Variants in TLK1 observed in about 807,000 individuals in gnomAD.
The protein encoded by TLK1 is tousled like kinase 1, also known as serine/threonine-protein kinase tousled-like 1.
Under a neutral mutation model 105.3 loss-of-function variants are expected in TLK1, and 24 were observed. That is an observed-to-expected ratio of 0.23 (90% confidence interval 0.17 to 0.32). TLK1 has a LOEUF of 0.32. TLK1 is among the 10% of genes least tolerant of loss of function. The pLI is 1.00. For missense variants in TLK1, 558 were observed against 910.5 expected (o/e 0.61, Z 4.98); for synonymous variants, 321 against 310.4 (o/e 1.03, Z -0.36).
intron 1 of TLK1, among the ~76,000 whole-genome samples, chr2:171,206,231 T>A (rs1331497058): frequency 6.6e-6 from 1 of 152,210 alleles, no homozygotes; most frequent in Non-Finnish European, 1.5e-5. Flanking sequence ...TTTTTGTTCT[T>A]TCCTAGAGGC....
chr2:171,216,584 T>C (rs147355207), intron 1 of TLK1, among the ~76,000 whole-genome samples: 10 of 152,360 alleles, frequency 6.6e-5, no homozygotes, highest in African/African-American at 2.4e-4. Context: ...GAAACTATTA[T>C]GGGTTGAATT....
intron 1 of TLK1, among the ~76,000 whole-genome samples, chr2:171,158,361 T>C (rs565989799): frequency 8.5e-5 from 13 of 152,288 alleles, no homozygotes; most frequent in Middle Eastern, 3.4e-3. Context: ...CGGAAAAAAT[T>C]ATGGTTATTT....
chr2:171,125,172 G>A (rs541156271), intron 1 of TLK1, among the ~76,000 whole-genome samples: 4 of 152,144 alleles, frequency 2.6e-5, no homozygotes, highest in Admixed American at 6.5e-5. Context: ...ACTTATTTTG[G>A]TGGCAGCCTC....
chr2:171,219,625 G>A (rs1401394582), intron 1 of TLK1, among the ~76,000 whole-genome samples: 1 of 150,340 alleles, frequency 6.7e-6, no homozygotes, highest in African/African-American at 2.5e-5. Context: ...TTTTGAGACA[G>A]GGTCTTGCTT....
intron 1 of TLK1, among the ~76,000 whole-genome samples, chr2:171,121,440 A>C (rs1421137655): frequency 1.3e-5 from 2 of 152,154 alleles, no homozygotes; most frequent in African/African-American, 4.8e-5. Flanking sequence ...CTGAGGTGGG[A>C]GGACTGCTTG....
intron 1 of TLK1, among the ~76,000 whole-genome samples, chr2:171,169,169 G>A (rs1692676329): frequency 2.0e-5 from 3 of 152,136 alleles, no homozygotes; most frequent in Middle Eastern, 3.4e-3. Flanking sequence ...AAATGTGTCT[G>A]TGCTTTTTCT....
intron 3 of TLK1, among the ~76,000 whole-genome samples, chr2:171,072,607 T>TA (rs1049598529): frequency 1.1e-4 from 16 of 151,248 alleles, no homozygotes; most frequent in African/African-American, 3.4e-4. Context: ...AAAATACATT[T>TA]AAAAAAAAAT....
chr2:171,169,601 G>A (rs150552671), intron 1 of TLK1, among the ~76,000 whole-genome samples: 1 of 152,222 alleles, frequency 6.6e-6, no homozygotes, highest in African/African-American at 2.4e-5. Flanking sequence ...ATTAAGAGTG[G>A]TTGTCTTTCT....
In TLK1 at chr2:170,991,217, G is replaced by A. The variant is rs1422811048; in HGVS notation, c.*2563C>T. The stretch of plus-strand genomic sequence containing the variant: ...TGACTCTTAATAAAAGAGAGGCCTT[G>A]GCTATCATCTTAGGGATGCAGGACA... On this transcript the variant is annotated 3_prime_UTR_variant, in exon 21 of 21. Transcript: ENST00000431350. 1 of 152,156 alleles carries A rather than the reference G, an allele frequency of 6.6e-6. No individual in the cohort carries two copies. The highest frequency in any genetic ancestry group is 1.5e-5 in the Non-Finnish European group (1 of 68,026). The allele number at this position is 152,156 out of a possible 1,614,324, so 9.4% of individuals were successfully genotyped here.
intron 3 of TLK1, among the ~76,000 whole-genome samples, chr2:171,077,830 C>T (rs992284428): frequency 6.6e-6 from 1 of 152,092 alleles, no homozygotes; most frequent in African/African-American, 2.4e-5. Context: ...GATGATATCA[C>T]GTTATACAGC....
intron 11 of TLK1, among the ~76,000 whole-genome samples, chr2:171,036,598 TTTTTG>T (rs1280475753): frequency 6.6e-6 from 1 of 152,218 alleles, no homozygotes; most frequent in Non-Finnish European, 1.5e-5. Flanking sequence ...CTTCCACTGC[TTTTTG>T]TTTTGAACAG....
chr2:171,141,685 G>A (rs1691580950), intron 1 of TLK1, among the ~76,000 whole-genome samples: 1 of 151,290 alleles, frequency 6.6e-6, no homozygotes, highest in South Asian at 2.1e-4. Flanking sequence ...CATGACAAAT[G>A]AAAAAAACTG....
At chr2:171,039,728 T>C (rs867977714) in intron 11 of TLK1, among the ~76,000 whole-genome samples, 8 of 152,246 alleles carry the variant, frequency 5.3e-5, no homozygotes, top group Middle Eastern at 6.8e-3. Context: ...ACCTTGTCAA[T>C]AGTAATAATG....
chr2:171,088,710 A>G (rs1558935322), intron 2 of TLK1, among the ~76,000 whole-genome samples: 2 of 152,244 alleles, frequency 1.3e-5, no homozygotes, highest in South Asian at 4.1e-4. Flanking sequence ...TGCCTTCAAA[A>G]TTCTGAGAAA....
intron 18 of TLK1, 53 bp downstream of exon 18, chr2:171,006,094 A>G (rs886284423): frequency 1.6e-5 from 23 of 1,445,860 alleles, no homozygotes; most frequent in East Asian, 2.4e-5. Context: ...AAATTATTAT[A>G]AAAGCACTGG....
At chr2:171,169,525 G>A (rs931873590) in intron 1 of TLK1, among the ~76,000 whole-genome samples, 6 of 152,092 alleles carry the variant, frequency 3.9e-5, no homozygotes, top group Non-Finnish European at 8.8e-5. Context: ...CCTGGGTCAA[G>A]GATTTTTCCA....
At chr2:171,114,107 T>C (rs1356761396) in intron 2 of TLK1, among the ~76,000 whole-genome samples, 1 of 152,236 alleles carries the variant, frequency 6.6e-6, no homozygotes, top group Non-Finnish European at 1.5e-5. Flanking sequence ...ATTTTTCCTA[T>C]ATTTTGAATT....
rs1575495221 is a variant in TLK1, at chr2:170,996,633, C to T, written c.2124+20G>A. 6.3e-7 allele frequency: 1 copy of T among 1,593,550 alleles called. No homozygotes were observed. Among genetic ancestry groups the T allele is most frequent in the Non-Finnish European group, 8.6e-7 (1 of 1,168,628 alleles). ...GAAAGAAAAGTTACTTCACAAAACT[C>T]ATTTACAAAAATTTAATACCTTGGC... On this transcript the variant is annotated intron_variant, in intron 20 of 20. Transcript: ENST00000431350.
intron 4 of TLK1, 60 bp from the exon 5 acceptor site, chr2:171,058,257 A>C (rs1212005790): frequency 6.9e-7 from 1 of 1,451,726 alleles, no homozygotes. Context: ...AAAAATATTA[A>C]GAGTCCGCAG....
Sources: gnomAD v4.1 joint callset for allele counts (sites outside exome capture counted in the v4.1 genomes callset) on GRCh38, gnomAD v4.1.1 for gene constraint, MANE v1.5 for transcripts, NCBI Gene and HGNC (gene_info 2026-07-23, HGNC 2026-07-21) for gene names.